PHLPP1: variants seen among roughly 807,000 people sequenced by gnomAD.
PHLPP1 encodes PH domain leucine-rich repeat-containing protein phosphatase 1.
In PHLPP1, 42 loss-of-function variants were observed where a neutral mutation model predicts 117.2. The observed-to-expected ratio is 0.36, with a 90% CI of 0.28 to 0.46. PHLPP1 has a LOEUF of 0.46. Among genes scored for constraint, PHLPP1 ranks in the 20% least tolerant of loss-of-function variants. PHLPP1 has a pLI of 1.00. For missense variants in PHLPP1, 2,084 were observed against 2,241.9 expected (o/e 0.93, Z 1.42); for synonymous variants, 1,042 against 970.7 (o/e 1.07, Z -1.37).
At chr18:62,794,702 A>G (rs1253164831) in intron 1 of PHLPP1, among the ~76,000 whole-genome samples, 1 of 152,186 alleles carries the variant, frequency 6.6e-6, no homozygotes, top group Non-Finnish European at 1.5e-5. Flanking sequence ...ATCTACAATT[A>G]ACAATTTAAA....
At chr18:62,869,744 T>C (rs1915853134) in intron 4 of PHLPP1, among the ~76,000 whole-genome samples, 1 of 152,252 alleles carries the variant, frequency 6.6e-6, no homozygotes, top group African/African-American at 2.4e-5. Context: ...AATTTTACAC[T>C]GCAATAAAAG....
chr18:62,729,702 T>A (rs1911176095), intron 1 of PHLPP1, among the ~76,000 whole-genome samples: 1 of 151,896 alleles, frequency 6.6e-6, no homozygotes, highest in Admixed American at 6.6e-5. Flanking sequence ...GAAATGAAAC[T>A]GTGGTCACCA....
At chr18:62,898,642 C>CT (rs1219099121) in intron 6 of PHLPP1, among the ~76,000 whole-genome samples, 1 of 152,114 alleles carries the variant, frequency 6.6e-6, no homozygotes, top group Non-Finnish European at 1.5e-5. Flanking sequence ...GGCAAGTTAA[C>CT]TATTTGCTAC....
intron 1 of PHLPP1, among the ~76,000 whole-genome samples, chr18:62,813,499 G>A (rs1035192189): frequency 2.0e-5 from 3 of 152,138 alleles, no homozygotes; most frequent in Non-Finnish European, 2.9e-5. Flanking sequence ...TATGCCCCAC[G>A]TTTGCCTCAC....
chr18:62,829,623 G>A lies in PHLPP1; in HGVS notation c.1577-412G>A, dbSNP rs747869197. Among the ~76,000 whole-genome samples, 96 of 152,124 alleles carry A rather than the reference G, an allele frequency of 6.3e-4. No homozygotes were observed. The Middle Eastern group carries it at 0.01, about 16-fold the overall frequency. ...AAAAAATTTAGTCGTGTGGTGGCCG[G>A]CACCTGTAGTCCCAGCTACATGGGA... On this transcript the variant is annotated intron_variant, in intron 1 of 16. Coordinates refer to ENST00000262719, the MANE Select transcript of PHLPP1 (RefSeq NM_194449.4).
intron 4 of PHLPP1, among the ~76,000 whole-genome samples, chr18:62,873,002 A>AG (rs1915944437): frequency 1.4e-5 from 2 of 140,210 alleles, no homozygotes; most frequent in Admixed American, 7.7e-5. Flanking sequence ...AAAAAAAAAA[A>AG]AAAAAGAAAA....
intron 1 of PHLPP1, among the ~76,000 whole-genome samples, chr18:62,741,789 A>G (rs1911533977): frequency 6.6e-6 from 1 of 151,374 alleles, no homozygotes; most frequent in Non-Finnish European, 1.5e-5. Context: ...GTGAAAGAGC[A>G]TTGCAAATAG....
At chr18:62,966,465 A>AT (rs3087157) in intron 14 of PHLPP1, among the ~76,000 whole-genome samples, 3,542 of 109,018 alleles carry the variant, frequency 0.032, 132 homozygotes, top group African/African-American at 0.075. Flanking sequence ...AGTTCTACAA[A>AT]TTTTTTTTTT....
chr18:62,866,917 A>G (rs1432368591), intron 4 of PHLPP1, among the ~76,000 whole-genome samples: 1 of 151,846 alleles, frequency 6.6e-6, no homozygotes, highest in Non-Finnish European at 1.5e-5. Context: ...GTACTTCTCA[A>G]CCCTCACCTG....
chr18:62,715,757 C>A lies in PHLPP1; in HGVS notation c.74C>A (p.Ala25Glu). The A allele has an allele frequency of 9.4e-7, 1 of 1,068,224 alleles. No individual in the cohort carries two copies. The highest frequency in any genetic ancestry group is 1.1e-6 in the Non-Finnish European group (1 of 874,302). The allele number at this position is 1,068,224 out of a possible 1,614,324, so 66.2% of individuals were successfully genotyped here. ...LGREDRASAP[A>E]AAAAAAAAAA... is the part of the protein sequence containing the mutation. ...AGGGAGGACCGAGCTTCGGCTCCGG[C>A]GGCCGCCGCTGCGGCAGCAGCAGCA... Residue 25 changes from alanine to glutamate, a missense_variant, in exon 1 of 17, where the codon GCG becomes GAG. Around this residue, in one of 2 missense-constraint regions of PHLPP1, gnomAD observed 719 missense variants for 636.0 expected, o/e 1.13. Coordinates refer to ENST00000262719, the MANE Select transcript of PHLPP1 (RefSeq NM_194449.4).
intron 4 of PHLPP1, among the ~76,000 whole-genome samples, chr18:62,871,569 C>A (rs1459267793): frequency 2.0e-5 from 3 of 151,588 alleles, no homozygotes; most frequent in Non-Finnish European, 4.4e-5. Context: ...CTCAGGTGAT[C>A]TGACTGCCTC....
intron 4 of PHLPP1, among the ~76,000 whole-genome samples, chr18:62,869,885 G>C (rs1416648898): frequency 6.6e-6 from 1 of 152,154 alleles, no homozygotes; most frequent in Non-Finnish European, 1.5e-5. Context: ...CTTTATACCA[G>C]TTTCTCTTTC....
intron 10 of PHLPP1, among the ~76,000 whole-genome samples, chr18:62,921,125 T>C (rs1250967742): frequency 6.6e-6 from 1 of 152,204 alleles, no homozygotes; most frequent in African/African-American, 2.4e-5. Context: ...TGGAGCATCT[T>C]GTTTGCTTCA....
chr18:62,969,385 G>A (rs1286524487), intron 14 of PHLPP1, among the ~76,000 whole-genome samples: 1 of 152,024 alleles, frequency 6.6e-6, no homozygotes, highest in Non-Finnish European at 1.5e-5. Flanking sequence ...TGGAGAACAC[G>A]CTTTGTATGA....
intron 12 of PHLPP1, among the ~76,000 whole-genome samples, chr18:62,949,396 C>T (rs1431910083): frequency 6.6e-6 from 1 of 152,106 alleles, no homozygotes; most frequent in East Asian, 1.9e-4. Context: ...TTCATGTACA[C>T]CTTAAACAGA....
chr18:62,817,252 C>T (rs914888640), intron 1 of PHLPP1, among the ~76,000 whole-genome samples: 3 of 152,130 alleles, frequency 2.0e-5, no homozygotes, highest in African/African-American at 7.2e-5. Context: ...CTCTGTGGAA[C>T]TCAACTAACA....
At chr18:62,932,536 G>A (rs2144441485) in intron 10 of PHLPP1, among the ~76,000 whole-genome samples, 1 of 152,276 alleles carries the variant, frequency 6.6e-6, no homozygotes, top group Middle Eastern at 3.4e-3. Flanking sequence ...CTCAATAGAT[G>A]TGAAAAAAGT....
rs1262840141 is a variant in PHLPP1 at position 62,895,125 on chromosome 18, A to C, written c.2181A>C (p.Arg727=). The C allele has an allele frequency of 6.2e-6, 10 of 1,613,952 alleles. No individual in the cohort carries two copies. The Middle Eastern group carries it at 8.3e-4, about 134-fold the overall frequency. Residue 727 remains arginine (R), a synonymous_variant, in exon 5 of 17, where the codon CGA becomes CGC. Coordinates refer to ENST00000262719, the MANE Select transcript of PHLPP1 (RefSeq NM_194449.4). ...AELNVSCNAL[R]SVPAAVGVMH... is the part of the protein sequence containing the mutation. The stretch of plus-strand genomic sequence containing the variant: ...TGAACGTGTCCTGCAATGCCCTGCG[A>C]TCAGTCCCGGCAGCCGTTGGAGTGA...
chr18:62,773,939 C>T (rs1471218677), intron 1 of PHLPP1, among the ~76,000 whole-genome samples: 1 of 152,200 alleles, frequency 6.6e-6, no homozygotes, highest in African/African-American at 2.4e-5. Context: ...AAAGGCAAGG[C>T]AGCTCTCTGG....
Sources: allele counts gnomAD v4.1 joint callset (sites outside exome capture counted in the v4.1 genomes callset), GRCh38; gene constraint gnomAD v4.1.1; regional missense constraint gnomAD v4.1.1; transcripts MANE v1.5; gene names NCBI Gene and HGNC (gene_info 2026-07-23, HGNC 2026-07-21).